The following BLTP3A variants were observed in gnomAD, a reference collection of about 807,000 sequenced individuals.
BLTP3A encodes bridge-like lipid transfer protein family member 3A.
the BLTP3A span, among the ~76,000 whole-genome samples, chr6:34,812,461 G>A: frequency 2.0e-5 from 3 of 152,058 alleles, no homozygotes; most frequent in African/African-American, 7.2e-5. Flanking sequence ...AGAAAAGCAT[G>A]TAATATTGTC....
At chr6:34,835,847 T>A in the BLTP3A span, among the ~76,000 whole-genome samples, 1 of 152,162 alleles carries the variant, frequency 6.6e-6, no homozygotes, top group Non-Finnish European at 1.5e-5. Context: ...AAGAGAGCAT[T>A]TAGGGAAGAC....
the BLTP3A span, chr6:34,834,639 G>A: frequency 6.5e-7 from 1 of 1,540,292 alleles, no homozygotes; most frequent in Non-Finnish European, 8.8e-7. Flanking sequence ...TCTCTGCCTT[G>A]CCAGTCTTTT....
At chr6:34,792,268 G>C in the BLTP3A span, 13 of 1,544,668 alleles carry the variant, frequency 8.4e-6, no homozygotes, top group Non-Finnish European at 1.1e-5. Flanking sequence ...GGATCATTAA[G>C]AAGCAGATCC....
At chr6:34,852,551 T>A in the BLTP3A span, among the ~76,000 whole-genome samples, 1 of 147,524 alleles carries the variant, frequency 6.8e-6, no homozygotes, top group Non-Finnish European at 1.5e-5. Flanking sequence ...TCTCCTCTCC[T>A]CTCCTCTCCT....
chr6:34,819,311 C>G, the BLTP3A span, among the ~76,000 whole-genome samples: 3 of 128,850 alleles, frequency 2.3e-5, no homozygotes, highest in Admixed American at 1.7e-4. Context: ...CCCCTCCCCC[C>G]ACCCCACCAC....
At chr6:34,859,649 A>G in the BLTP3A span, 147 of 1,561,186 alleles carry the variant, frequency 9.4e-5, no homozygotes, top group Non-Finnish European at 1.2e-4. Flanking sequence ...GCCTCTTACT[A>G]TGTGCATTTC....
the BLTP3A span, chr6:34,792,165 C>G: frequency 7.9e-7 from 1 of 1,269,808 alleles, no homozygotes; most frequent in Non-Finnish European, 1.0e-6. Flanking sequence ...CACGCCGCGG[C>G]GAGGTGAGGG....
the BLTP3A span, chr6:34,856,943 G>T: frequency 6.2e-7 from 1 of 1,607,364 alleles, no homozygotes; most frequent in Non-Finnish European, 8.5e-7. Context: ...AGGACATGAG[G>T]AAACATGGTT....
At chr6:34,857,266 G>A in the BLTP3A span, 1 of 1,590,472 alleles carries the variant, frequency 6.3e-7, no homozygotes, top group Admixed American at 1.7e-5. Flanking sequence ...TGCTTCCTAA[G>A]CAGAAATGGA....
the BLTP3A span, among the ~76,000 whole-genome samples, chr6:34,843,223 A>G: frequency 1.3e-5 from 2 of 151,960 alleles, no homozygotes; most frequent in African/African-American, 4.8e-5. Context: ...AGCTCAAGCA[A>G]TCCTTCTGCC....
the BLTP3A span, among the ~76,000 whole-genome samples, chr6:34,801,660 ACT>A: frequency 1.3e-5 from 2 of 151,688 alleles, no homozygotes; most frequent in South Asian, 2.1e-4. Flanking sequence ...ATGAGCTTAG[ACT>A]CTATTTTACA....
chr6:34,876,146 C>T, the BLTP3A span: 1 of 152,600 alleles, frequency 6.6e-6, no homozygotes, highest in East Asian at 1.9e-4. Flanking sequence ...CTATCAATCC[C>T]AAATTCTGTT....
the BLTP3A span, chr6:34,834,974 A>G: frequency 1.5e-6 from 2 of 1,324,556 alleles, no homozygotes; most frequent in Non-Finnish European, 2.1e-6. Context: ...TGACAGTTGA[A>G]GGGGGAAGGC....
the BLTP3A span, among the ~76,000 whole-genome samples, chr6:34,813,439 A>G: frequency 6.6e-6 from 1 of 152,230 alleles, no homozygotes; most frequent in Non-Finnish European, 1.5e-5. Context: ...CAAAGATGAG[A>G]GCCTTTCCCT....
chr6:34,875,971 T>G, the BLTP3A span: 2 of 152,620 alleles, frequency 1.3e-5, no homozygotes, highest in Non-Finnish European at 2.9e-5. Context: ...CCACTGTCCC[T>G]CAAAGACTTC....
the BLTP3A span, among the ~76,000 whole-genome samples, chr6:34,829,046 A>T: frequency 7.5e-6 from 1 of 132,854 alleles, no homozygotes; most frequent in Non-Finnish European, 1.7e-5. Context: ...AAAAAAAAAA[A>T]AAAAAAAGAA....
the BLTP3A span, among the ~76,000 whole-genome samples, chr6:34,818,833 T>G: frequency 6.6e-6 from 1 of 152,228 alleles, no homozygotes; most frequent in Non-Finnish European, 1.5e-5. Context: ...AAGAGCTGTT[T>G]TCATAGTACC....
chr6:34,825,420 G>C, the BLTP3A span, among the ~76,000 whole-genome samples: 86 of 151,944 alleles, frequency 5.7e-4, no homozygotes, highest in Middle Eastern at 6.8e-3. Context: ...TGATTTTCCT[G>C]CCTCCGCCTC....
chr6:34,864,268 C>A, the BLTP3A span: 1 of 1,433,008 alleles, frequency 7.0e-7, no homozygotes, highest in Non-Finnish European at 9.6e-7. Context: ...CTGTATCAGA[C>A]TGGCAGGGCT....
Sources: allele counts gnomAD v4.1 joint callset (sites outside exome capture counted in the v4.1 genomes callset), GRCh38; gene constraint gnomAD v4.1.1; transcripts MANE v1.5; gene names NCBI Gene and HGNC (gene_info 2026-07-23, HGNC 2026-07-21).